Variants in ZNF778 observed in about 807,000 individuals in gnomAD.
ZNF778 encodes zinc finger protein 778.
ZNF778 carries 37 observed loss-of-function variants against 23.9 expected under a neutral mutation model. That is an observed-to-expected ratio of 1.54 (90% CI 1.19 to 2.03). ZNF778 has a LOEUF of 2.03. Among genes scored for constraint, ZNF778 ranks in the 30% most tolerant of loss-of-function variants. The pLI is 0.00. For synonymous variants in ZNF778, 483 were observed against 343.9 expected, an observed-to-expected ratio of 1.40 and a Z score of -4.48; for missense variants, 1,297 against 934.4, an observed-to-expected ratio of 1.39 and a Z score of -5.06.
chr16:89,235,932 G>A lies in ZNF778; in HGVS notation c.*7370G>A, dbSNP rs1311976176. 2 of 151,580 alleles carry A rather than the reference G, an allele frequency of 1.3e-5. No individual in the cohort carries two copies. Among genetic ancestry groups the A allele is most frequent in the African/African-American group, 4.9e-5 (2 of 41,066 alleles). 9.4% of individuals were successfully genotyped at this position (151,580 alleles called of 1,614,324 possible). A position where few individuals can be genotyped will look rare whatever the true frequency, so the allele number is the denominator to read the frequency against. ...CCAGCACTTTGGGAGGCCGAGGTGG[G>A]CGGATCACAAGGTCAGGAGATCATG... On this transcript the variant is annotated 3_prime_UTR_variant, in exon 7 of 7. Transcript: ENST00000433976.
At position 89,233,899 on chromosome 16, in the gene ZNF778, G is replaced by A; in HGVS notation, c.*5337G>A. The A allele has an allele frequency of 7.8e-7, 1 of 1,289,572 alleles. No individual in the cohort carries two copies. Among genetic ancestry groups the A allele is most frequent in the Non-Finnish European group, 1.0e-6 (1 of 988,956 alleles). 79.9% of individuals were successfully genotyped at this position (1,289,572 alleles called of 1,614,324 possible). ...CCAGTATTTCTCCTCCCTGAAGTCA[G>A]CCCAGGATGAGGCACTAGACAGCAG... On this transcript the variant is annotated 3_prime_UTR_variant, in exon 7 of 7. Transcript: ENST00000433976.
In ZNF778 at chr16:89,228,209, G is replaced by A. The variant is rs562846096; in HGVS notation, c.1921G>A (p.Gly641Ser). 85 of 1,613,426 alleles carry A rather than the reference G, an allele frequency of 5.3e-5. No individual in the cohort carries two copies. The highest frequency in any genetic ancestry group is 6.6e-5 in the South Asian group (6 of 91,032). The change falls in exon 7 of 7, where the codon GGT becomes AGT. Residue 641 changes from glycine (G) to serine (S), a missense_variant. By Grantham distance (56) the Gly-to-Ser change is moderately conservative (BLOSUM62 0). Transcript: ENST00000433976. Reference sequence around the variant, plus strand: ...TATCGTGCACATAAGAACCCACACCGGTGAGAAACCCTACATATGTAAGGA... The same window carrying A: ...TATCGTGCACATAAGAACCCACACCAGTGAGAAACCCTACATATGTAAGGA... ...HLIVHIRTHTGEKPYICKECG... is the reference protein window; with the variant it reads ...HLIVHIRTHTSEKPYICKECG...
rs576133138 is a variant in ZNF778 at position 89,219,512 on chromosome 16, C to G, written c.-131-1485C>G. 7.9e-5 allele frequency among the ~76,000 whole-genome samples: 12 copies of G among 152,312 alleles called. No homozygotes were observed. In the South Asian group the frequency reaches 2.5e-3, roughly 32 times the overall value. ...GTTCCTTCTCTACTCTGTCCTGGTT[C>G]CAAGCCCCAGCCTATTTCTGAAAAG... On this transcript the variant is annotated intron_variant, in intron 1 of 6. Transcript: ENST00000433976.
chr16:89,223,079 A>G, intron 3 of ZNF778, 78 bp from the exon 4 acceptor site: 1 of 1,529,950 alleles, frequency 6.5e-7, no homozygotes, highest in Non-Finnish European at 8.8e-7. Context: ...CCATAGGCGT[A>G]GGGCCCCGCC....
At position 89,234,334 on chromosome 16, in the gene ZNF778, G is replaced by C; in HGVS notation, c.*5772G>C. The stretch of plus-strand genomic sequence containing the variant: ...GCAGTTTTATTCTTTCTCTCTACTC[G>C]TTCAACCTTCTTAGGGAGTGACGTT... On this transcript the variant is annotated 3_prime_UTR_variant, in exon 7 of 7. Coordinates refer to ENST00000433976, the MANE Select transcript of ZNF778 (RefSeq NM_001201407.2). 1 of 323,222 alleles carries C rather than the reference G, an allele frequency of 3.1e-6. No individual in the cohort carries two copies. Among genetic ancestry groups the C allele is most frequent in the Non-Finnish European group, 6.1e-6 (1 of 165,050 alleles). The allele number at this position is 323,222 out of a possible 1,614,324, so 20.0% of individuals were successfully genotyped here.
rs1597370116 is a variant in ZNF778 at position 89,232,131 on chromosome 16, T to G, written c.*3569T>G. ...GTGCTGGGAGGGGGCCTGGTGGGGG[T>G]TTGGGTCATGGGGGCACCCTCCTGA... is the stretch of plus-strand genomic sequence containing the variant. On this transcript the variant is annotated 3_prime_UTR_variant, in exon 7 of 7. Transcript: ENST00000433976. 1.3e-5 allele frequency: 2 copies of G among 157,082 alleles called. No homozygotes were observed. The highest frequency in any genetic ancestry group is 2.8e-5 in the Non-Finnish European group (2 of 70,764). The allele number at this position is 157,082 out of a possible 1,614,324, so 9.7% of individuals were successfully genotyped here.
chr16:89,222,789 C>T (rs62068534), intron 3 of ZNF778, among the ~76,000 whole-genome samples: 122,098 of 152,216 alleles, frequency 0.8, 51,323 homozygotes, highest in Non-Finnish European at 0.92. Context: ...TCACGAGTTA[C>T]CACTTGTTTG....
chr16:89,223,167 C>A lies in ZNF778; in HGVS notation c.128C>A (p.Thr43Asn), dbSNP rs373127666. The change falls in exon 4 of 7, where the codon ACC becomes AAC. Residue 43 changes from threonine to asparagine, a missense_variant. By Grantham distance (65) the Thr-to-Asn change is moderately conservative. Transcript: ENST00000433976. ...WLINCYQDAVTFDDVAVDFTQ... is the reference protein window; with the variant it reads ...WLINCYQDAVNFDDVAVDFTQ... ...TGTGTGATGATTTAGGACGCGGTGA[C>A]CTTTGACGACGTGGCTGTGGACTTC... 6.8e-6 allele frequency: 11 copies of A among 1,613,452 alleles called. No individual in the cohort carries two copies. In the African/African-American group the frequency reaches 1.5e-4, roughly 22 times the overall value.
Position 89,223,295 on chromosome 16 carries a change from A to ACGTGG in ZNF778, c.244+13_244+14insGTGGC. ...CCTGGCCTCAGTAGGTGAGGCTGCC[A>ACGTGG]CCGTCCTTTGCAACTTCTGTGGAAC... On this transcript the variant is annotated intron_variant, in intron 4 of 6. Transcript: ENST00000433976. 2 of 1,613,588 alleles carry ACGTGG rather than the reference A, an allele frequency of 1.2e-6. No homozygotes were observed. Among genetic ancestry groups the ACGTGG allele is most frequent in the Non-Finnish European group, 1.7e-6 (2 of 1,179,850 alleles).
chr16:89,224,369 A>G (rs2031271534), intron 4 of ZNF778, among the ~76,000 whole-genome samples: 1 of 152,218 alleles, frequency 6.6e-6, no homozygotes, highest in Non-Finnish European at 1.5e-5. Context: ...CTGTAATCCT[A>G]GCACTTTTGA....
intron 1 of ZNF778, among the ~76,000 whole-genome samples, chr16:89,219,030 C>G (rs1302066888): frequency 6.6e-6 from 1 of 151,956 alleles, no homozygotes; most frequent in Non-Finnish European, 1.5e-5. Flanking sequence ...TCGCTTGAAC[C>G]TGGGTGGCAC....
chr16:89,233,726 C>G lies in ZNF778; in HGVS notation c.*5164C>G. The G allele has an allele frequency of 4.8e-6, 5 of 1,038,462 alleles. No homozygotes were observed. The highest frequency in any genetic ancestry group is 2.2e-5 in the South Asian group (1 of 45,794). 64.3% of individuals were successfully genotyped at this position (1,038,462 alleles called of 1,614,324 possible). ...AACTCAACTCACTGCGTATGCAACTCAACTCGCACTGCATATGCAACTCAA... is the reference window on the plus strand; with the variant it reads ...AACTCAACTCACTGCGTATGCAACTGAACTCGCACTGCATATGCAACTCAA... On this transcript the variant is annotated 3_prime_UTR_variant, in exon 7 of 7. Coordinates refer to ENST00000433976, the MANE Select transcript of ZNF778 (RefSeq NM_001201407.2).
chr16:89,221,626 A>G (rs2030959104), intron 2 of ZNF778, among the ~76,000 whole-genome samples: 1 of 109,812 alleles, frequency 9.1e-6, no homozygotes, highest in African/African-American at 3.7e-5. Context: ...TTCCTGAGGG[A>G]CTATATTTTC....
chr16:89,227,911 C>G lies in ZNF778; in HGVS notation c.1623C>G (p.Ala541=), dbSNP rs199960904. The G allele has an allele frequency of 2.0e-5, 33 of 1,613,938 alleles. No homozygotes were observed. The highest frequency in any genetic ancestry group is 1.5e-4 in the South Asian group (14 of 91,070). ...ATGAATGTAAGGACTGTGGGAAAGC[C>G]TACAATAGGGTTTATCTACTGAATG... ...KPYECKDCGK[A]YNRVYLLNEH... is the part of the protein sequence containing the mutation. The change falls in exon 7 of 7, where the codon GCC becomes GCG. Residue 541 remains alanine, a synonymous_variant. Transcript: ENST00000433976.
intron 4 of ZNF778, among the ~76,000 whole-genome samples, chr16:89,223,864 A>G (rs1274376596): frequency 1.3e-5 from 1 of 76,438 alleles, no homozygotes; most frequent in Non-Finnish European, 3.5e-5. Flanking sequence ...ACAGAGCGAG[A>G]CTCCATCTCA....
chr16:89,225,702 G>T, intron 6 of ZNF778, 71 bp downstream of exon 6: 1 of 1,335,652 alleles, frequency 7.5e-7, no homozygotes, highest in African/African-American at 1.5e-5. Flanking sequence ...TATAGAAAAT[G>T]AGCAAAATTG....
chr16:89,234,070 G>T lies in ZNF778; in HGVS notation c.*5508G>T, dbSNP rs912456874. 1.5e-6 allele frequency: 1 copy of T among 674,830 alleles called. No homozygotes were observed. The highest frequency in any genetic ancestry group is 1.5e-5 in the South Asian group (1 of 68,886). 41.8% of individuals were successfully genotyped at this position (674,830 alleles called of 1,614,324 possible). ...CTTCTGCCTCCTGCCCAGCTCTGCA[G>T]CTCCCCTTGGGCCCTGCCTGGAGTG... On this transcript the variant is annotated 3_prime_UTR_variant, in exon 7 of 7. Coordinates refer to ENST00000433976, the MANE Select transcript of ZNF778 (RefSeq NM_001201407.2).
intron 4 of ZNF778, among the ~76,000 whole-genome samples, chr16:89,224,301 G>T (rs1266074333): frequency 6.6e-6 from 1 of 152,062 alleles, no homozygotes; most frequent in Non-Finnish European, 1.5e-5. Flanking sequence ...GAGGCTGGGC[G>T]CAGTGGCTCA....
intron 1 of ZNF778, among the ~76,000 whole-genome samples, chr16:89,220,683 G>C (rs752415505): frequency 2.1e-4 from 32 of 152,120 alleles, no homozygotes; most frequent in Non-Finnish European, 4.1e-4. Flanking sequence ...GTGACGAGAT[G>C]GTCGAACATG....
Sources: allele counts gnomAD v4.1 joint callset (sites outside exome capture counted in the v4.1 genomes callset), GRCh38; gene constraint gnomAD v4.1.1; transcripts MANE v1.5; gene names NCBI Gene and HGNC (gene_info 2026-07-23, HGNC 2026-07-21).